The following CHCHD3 variants were observed in gnomAD, a reference collection of about 807,000 sequenced individuals.
CHCHD3 encodes the protein MICOS complex subunit MIC19.
A neutral mutation model predicts 38.2 loss-of-function variants in CHCHD3; 20 were observed. That is an observed-to-expected ratio of 0.52 (90% CI 0.37 to 0.76). The LOEUF (loss-of-function observed/expected upper bound fraction) is 0.76. Among genes scored for constraint, CHCHD3 ranks in the 30% least tolerant of loss-of-function variants. The pLI, the probability that CHCHD3 is intolerant of heterozygous loss-of-function variation, is 0.00. For synonymous variants in CHCHD3, 82 were observed against 100.0 expected (o/e 0.82, Z 1.07); for missense variants, 245 against 279.2 (o/e 0.88, Z 0.87).
chr7:132,931,244 T>G (rs765114930), intron 4 of CHCHD3, among the ~76,000 whole-genome samples: 12 of 152,224 alleles, frequency 7.9e-5, no homozygotes, highest in Non-Finnish European at 1.3e-4. Context: ...TTATTAACTT[T>G]GGATTTTTCT....
At chr7:132,833,881 T>A (rs1056229859) in intron 6 of CHCHD3, among the ~76,000 whole-genome samples, 4 of 152,190 alleles carry the variant, frequency 2.6e-5, no homozygotes, top group African/African-American at 9.7e-5. Context: ...TGATCAGGTA[T>A]ATAATATTGC....
intron 4 of CHCHD3, among the ~76,000 whole-genome samples, chr7:132,912,863 G>A (rs950676526): frequency 2.0e-5 from 3 of 152,182 alleles, no homozygotes; most frequent in Non-Finnish European, 4.4e-5. Context: ...CCAAAGATGG[G>A]ACTACTAACA....
chr7:132,840,662 T>G (rs1029909778), intron 5 of CHCHD3, among the ~76,000 whole-genome samples: 2 of 152,118 alleles, frequency 1.3e-5, no homozygotes, highest in African/African-American at 2.4e-5. Flanking sequence ...CTGTTAAATG[T>G]TTTCACAGAG....
chr7:132,986,457 A>G lies in CHCHD3; in HGVS notation c.252-11171T>C, dbSNP rs1812127561. On this transcript the variant is annotated intron_variant, in intron 3 of 7. Transcript: ENST00000262570. Reference sequence around the variant, plus strand: ...AAAAAAAAGAAAATACAACTTCTATATGAGTGCTGGATTGCTAAGAAAGGA... The same window carrying G: ...AAAAAAAAGAAAATACAACTTCTATGTGAGTGCTGGATTGCTAAGAAAGGA... Among the ~76,000 whole-genome samples the G allele has an allele frequency of 2.0e-5, 3 of 151,986 alleles. No individual in the cohort carries two copies. The South Asian group carries it at 6.2e-4, about 32-fold the overall frequency.
At chr7:132,968,501 A>T (rs904148283) in intron 4 of CHCHD3, among the ~76,000 whole-genome samples, 1 of 152,232 alleles carries the variant, frequency 6.6e-6, no homozygotes, top group Non-Finnish European at 1.5e-5. Flanking sequence ...TTTGGAATTC[A>T]AAGCAAACTA....
At chr7:132,792,185 T>C (rs1426090601) in intron 7 of CHCHD3, among the ~76,000 whole-genome samples, 1 of 152,182 alleles carries the variant, frequency 6.6e-6, no homozygotes, top group African/African-American at 2.4e-5. Flanking sequence ...CTTCCTGCTC[T>C]GTTTTCAGAG....
intron 6 of CHCHD3, among the ~76,000 whole-genome samples, chr7:132,823,433 T>C (rs555639205): frequency 2.0e-5 from 3 of 152,286 alleles, no homozygotes; most frequent in African/African-American, 7.2e-5. Context: ...TATACTAGAA[T>C]AAAAGTTATG....
At chr7:132,994,952 C>A (rs1478714778) in intron 3 of CHCHD3, among the ~76,000 whole-genome samples, 1 of 152,200 alleles carries the variant, frequency 6.6e-6, no homozygotes, top group Admixed American at 6.5e-5. Context: ...CAATTTCATG[C>A]CTCTCTGACA....
At chr7:132,959,103 C>A (rs1811249030) in intron 4 of CHCHD3, among the ~76,000 whole-genome samples, 3 of 152,192 alleles carry the variant, frequency 2.0e-5, no homozygotes, top group Admixed American at 6.5e-5. Context: ...GGAGGCCATG[C>A]CAAATGAGTG....
intron 5 of CHCHD3, among the ~76,000 whole-genome samples, chr7:132,876,670 T>G (rs998529240): frequency 6.6e-6 from 1 of 152,206 alleles, no homozygotes; most frequent in African/African-American, 2.4e-5. Context: ...GTATATTTTC[T>G]CTTTCTCAGA....
chr7:132,985,699 G>A (rs1239363648), intron 3 of CHCHD3, among the ~76,000 whole-genome samples: 3 of 72,022 alleles, frequency 4.2e-5, no homozygotes, highest in Non-Finnish European at 5.7e-5. Flanking sequence ...TCAGCCCCCC[G>A]CCCGGCCAGC....
At chr7:133,037,673 C>T (rs1813717190) in intron 2 of CHCHD3, among the ~76,000 whole-genome samples, 1 of 152,030 alleles carries the variant, frequency 6.6e-6, no homozygotes, top group Admixed American at 6.6e-5. Flanking sequence ...ATTAGCCAGG[C>T]GTGGTGGTGC....
At position 132,807,606 on chromosome 7, in the gene CHCHD3, AATATATATATATATATAT is replaced by A. The variant is rs55835343; in HGVS notation, c.525-11047_525-11030del. On this transcript the variant is annotated intron_variant, in intron 6 of 7. Transcript: ENST00000262570. ...CCATGTATATGCTAACATACACATA[AATATATATATATATATAT>A]ATATATATATATATATATATACTTG... Among the ~76,000 whole-genome samples the A allele has an allele frequency of 5.3e-4, 58 of 108,952 alleles. 2 individuals carry two copies. Among genetic ancestry groups the A allele is most frequent in the East Asian group, 1.7e-3 (7 of 4,238 alleles). 71.5% of individuals were successfully genotyped at this position (108,952 alleles called of 152,430 possible).
chr7:132,989,190 A>G (rs528480433), intron 3 of CHCHD3, among the ~76,000 whole-genome samples: 31 of 152,316 alleles, frequency 2.0e-4, no homozygotes, highest in African/African-American at 5.5e-4. Context: ...TTTAACCAGC[A>G]TTAAGTCCTG....
chr7:132,913,152 AAGG>A (rs1809998510), intron 4 of CHCHD3, among the ~76,000 whole-genome samples: 2 of 152,188 alleles, frequency 1.3e-5, no homozygotes, highest in Non-Finnish European at 2.9e-5. Context: ...TTCCAAAGTG[AAGG>A]GAATCCACCT....
At chr7:132,850,459 T>G (rs1261662071) in intron 5 of CHCHD3, among the ~76,000 whole-genome samples, 5 of 151,530 alleles carry the variant, frequency 3.3e-5, no homozygotes, top group Non-Finnish European at 7.4e-5. Context: ...TGTTTTTTTT[T>G]TTTTTCTTGA....
Position 133,050,886 on chromosome 7 carries a change from C to T in CHCHD3, c.169+19256G>A, listed in dbSNP as rs1814144532. Among the ~76,000 whole-genome samples the T allele has an allele frequency of 4.0e-5, 6 of 151,896 alleles. No homozygotes were observed. The South Asian group carries it at 1.2e-3, about 32-fold the overall frequency. Reference sequence around the variant, plus strand: ...AAAAAATTAGCCAGGCGTGGTGGAACGTGCCTGTAATCCCAGCTACTCAGG... The same window carrying T: ...AAAAAATTAGCCAGGCGTGGTGGAATGTGCCTGTAATCCCAGCTACTCAGG... On this transcript the variant is annotated intron_variant, in intron 2 of 7. Coordinates refer to ENST00000262570, the MANE Select transcript of CHCHD3 (RefSeq NM_017812.4).
At chr7:132,918,194 C>T (rs1810165084) in intron 4 of CHCHD3, among the ~76,000 whole-genome samples, 1 of 152,098 alleles carries the variant, frequency 6.6e-6, no homozygotes, top group African/African-American at 2.4e-5. Context: ...ATTGAAAAGC[C>T]TTGAGTTGGC....
chr7:132,952,932 A>G (rs539755897), intron 4 of CHCHD3, among the ~76,000 whole-genome samples: 18 of 152,358 alleles, frequency 1.2e-4, no homozygotes, highest in Non-Finnish European at 2.1e-4. Context: ...TAAAGTAGAA[A>G]TAAATGTATC....
Sources: gnomAD v4.1 joint callset for allele counts (sites outside exome capture counted in the v4.1 genomes callset) on GRCh38, gnomAD v4.1.1 for gene constraint, MANE v1.5 for transcripts, NCBI Gene and HGNC (gene_info 2026-07-23, HGNC 2026-07-21) for gene names.